The following BCL9 variants were observed in gnomAD, a reference collection of about 807,000 sequenced individuals.
BCL9 encodes B-cell CLL/lymphoma 9 protein.
In BCL9, 25 loss-of-function variants were observed where a neutral mutation model predicts 88.5. The ratio of observed to expected loss-of-function variants is 0.28; its 90% CI spans 0.21 to 0.39. The LOEUF is 0.39. BCL9 is among the 10% of genes least tolerant of loss of function. The pLI is 1.00. For missense variants in BCL9, 1,817 were observed against 1,877.8 expected, an observed-to-expected ratio of 0.97 and a Z score of 0.60; for synonymous variants, 711 against 673.3, an observed-to-expected ratio of 1.06 and a Z score of -0.87.
intron 1 of BCL9, among the ~76,000 whole-genome samples, chr1:147,589,606 A>C (rs1656763839): frequency 6.6e-6 from 1 of 152,200 alleles, no homozygotes; most frequent in East Asian, 1.9e-4. Context: ...GGCTTCTTTC[A>C]GGCTTCTTCT....
At chr1:147,596,256 C>A (rs1657043496) in intron 1 of BCL9, among the ~76,000 whole-genome samples, 1 of 152,086 alleles carries the variant, frequency 6.6e-6, no homozygotes, top group African/African-American at 2.4e-5. Context: ...CTGGGACTCC[C>A]CCATTGACTT....
intron 1 of BCL9, among the ~76,000 whole-genome samples, chr1:147,547,787 A>G (rs1654670343): frequency 6.6e-6 from 1 of 152,234 alleles, no homozygotes; most frequent in Non-Finnish European, 1.5e-5. Flanking sequence ...ACATGCCAGT[A>G]AGACTTTTAG....
intron 1 of BCL9, among the ~76,000 whole-genome samples, chr1:147,567,513 A>G (rs1655663382): frequency 6.6e-6 from 1 of 152,134 alleles, no homozygotes; most frequent in Non-Finnish European, 1.5e-5. Flanking sequence ...ACAAAATGGA[A>G]CCCAGTCATT....
chr1:147,621,860 T>C (rs1553205459), intron 8 of BCL9, among the ~76,000 whole-genome samples: 1 of 152,138 alleles, frequency 6.6e-6, no homozygotes, highest in African/African-American at 2.4e-5. Context: ...ATGTCGTTAG[T>C]ACCTGGGATC....
chr1:147,558,028 AC>A (rs201740895), intron 1 of BCL9, among the ~76,000 whole-genome samples: 2,296 of 152,342 alleles, frequency 0.015, 23 homozygotes, highest in Non-Finnish European at 0.023. Flanking sequence ...AAGAAAAAAA[AC>A]ATACCCAGTC....
intron 1 of BCL9, among the ~76,000 whole-genome samples, chr1:147,546,049 G>T (rs1654558206): frequency 6.6e-6 from 1 of 152,096 alleles, no homozygotes; most frequent in Non-Finnish European, 1.5e-5. Context: ...TAAAATAATT[G>T]CCTTGGGCCA....
intron 1 of BCL9, among the ~76,000 whole-genome samples, chr1:147,596,104 TG>T (rs1464298349): frequency 2.0e-5 from 3 of 152,156 alleles, no homozygotes; most frequent in African/African-American, 7.2e-5. Flanking sequence ...AGCAGGTATG[TG>T]GTGACACAGA....
chr1:147,541,854 C>T (rs1654335113), intron 1 of BCL9, among the ~76,000 whole-genome samples, 180 bp downstream of exon 1: 1 of 151,564 alleles, frequency 6.6e-6, no homozygotes, highest in African/African-American at 2.4e-5. Flanking sequence ...TTCGAGGGAA[C>T]CCCAGTAACA....
Position 147,619,062 on chromosome 1 carries a change from A to G in BCL9, c.907A>G (p.Thr303Ala). ...ASSTPLPPDG[T>A]GPNSTPNNRA... ...CTCCACTCCACTGCCCCCAGATGGT[A>G]CTGGGCCCAACTCAACTCCCAACAA... Residue 303 changes from threonine to alanine, a missense_variant, in exon 8 of 10, where the codon ACT becomes GCT. Physicochemically the swap from Thr to Ala is moderately conservative, Grantham distance 58 (BLOSUM62 0). Around this residue, in one of 2 missense-constraint regions of BCL9, gnomAD observed 1,228 missense variants for 1,191.6 expected, o/e 1.03. Coordinates refer to ENST00000234739, the MANE Select transcript of BCL9 (RefSeq NM_004326.4). The surrounding 1 kb of genome is among the most constrained non-coding windows in gnomAD (Gnocchi z 4.1). The G allele has an allele frequency of 6.2e-7, 1 of 1,612,884 alleles. No homozygotes were observed. Among genetic ancestry groups the G allele is most frequent in the East Asian group, 2.2e-5 (1 of 44,848 alleles).
chr1:147,579,308 T>C (rs1311377115), intron 1 of BCL9, among the ~76,000 whole-genome samples: 2 of 152,240 alleles, frequency 1.3e-5, no homozygotes, highest in Non-Finnish European at 2.9e-5. Flanking sequence ...TAGGATTCTT[T>C]CTAACCTTAG....
At chr1:147,549,284 C>T (rs1193051211) in intron 1 of BCL9, among the ~76,000 whole-genome samples, 1 of 152,114 alleles carries the variant, frequency 6.6e-6, no homozygotes, top group African/African-American at 2.4e-5. Flanking sequence ...GCCTCCTCTA[C>T]TTTCTTATGC....
intron 1 of BCL9, among the ~76,000 whole-genome samples, chr1:147,588,075 GTGA>G (rs1329749179): frequency 4.6e-5 from 7 of 152,254 alleles, no homozygotes; most frequent in Admixed American, 3.9e-4. Flanking sequence ...TAATGTCATA[GTGA>G]TGACTATAAG....
Position 147,620,869 on chromosome 1 carries a change from T to C in BCL9, c.2714T>C (p.Ile905Thr), listed in dbSNP as rs782724163. ...GCGGGCCCAGCTGCTGCTGCTTCCATTAAGTCCCCCCCTGTTTTGGGGTCT... is the reference window on the plus strand; with the variant it reads ...GCGGGCCCAGCTGCTGCTGCTTCCACTAAGTCCCCCCCTGTTTTGGGGTCT... ...MLAGPAAAAS[I>T]KSPPVLGSAA... The change falls in exon 8 of 10, where the codon ATT (isoleucine) becomes ACT (threonine). Residue 905 changes from isoleucine (I) to threonine (T), a missense_variant. Ile to Thr is a moderately conservative substitution (Grantham distance 89). Transcript: ENST00000234739. The C allele has an allele frequency of 1.9e-6, 3 of 1,614,168 alleles. No individual in the cohort carries two copies. In the South Asian group the frequency reaches 3.3e-5, roughly 18 times the overall value.
chr1:147,548,985 T>C (rs1557818124), intron 1 of BCL9, among the ~76,000 whole-genome samples: 2 of 146,764 alleles, frequency 1.4e-5, no homozygotes, highest in African/African-American at 5.0e-5. Flanking sequence ...CTTTCTTTTT[T>C]TTTTTTTTTT....
At chr1:147,622,582 A>G (rs782696948) in intron 9 of BCL9, 51 bp downstream of exon 9, 1 of 1,604,738 alleles carries the variant, frequency 6.2e-7, no homozygotes, top group East Asian at 2.2e-5. Context: ...CCAAAGAGAA[A>G]CCTCTTGAAG....
intron 7 of BCL9, 138 bp from the exon 8 acceptor site, chr1:147,618,678 T>G (rs1039917095): frequency 3.7e-6 from 3 of 815,588 alleles, no homozygotes; most frequent in Non-Finnish European, 5.3e-6. Context: ...AAAAGAGGGT[T>G]GTACGTGAGC....
chr1:147,587,079 G>T (rs1472661473), intron 1 of BCL9, among the ~76,000 whole-genome samples: 1 of 149,204 alleles, frequency 6.7e-6, no homozygotes, highest in Admixed American at 6.7e-5. Flanking sequence ...ACCCAACCCC[G>T]TCTCTCCTAA....
chr1:147,584,141 G>A (rs1171002573), intron 1 of BCL9, among the ~76,000 whole-genome samples: 1 of 150,688 alleles, frequency 6.6e-6, no homozygotes, highest in Non-Finnish European at 1.5e-5. Context: ...TCTGCTTCCC[G>A]GGTTCAAGTG....
intron 1 of BCL9, among the ~76,000 whole-genome samples, chr1:147,603,807 C>T (rs1553201632): frequency 6.6e-6 from 1 of 152,102 alleles, no homozygotes; most frequent in African/African-American, 2.4e-5. Context: ...CCGTGCCCGG[C>T]CAGATCAGGG....
Sources: gnomAD v4.1 joint callset for allele counts (sites outside exome capture counted in the v4.1 genomes callset) on GRCh38, gnomAD v4.1.1 for gene constraint, gnomAD v4.1.1 regional missense constraint, Gnocchi (gnomAD v3.1) non-coding constraint, MANE v1.5 for transcripts, NCBI Gene and HGNC (gene_info 2026-07-23, HGNC 2026-07-21) for gene names.